The following ZKSCAN1 variants were observed in gnomAD, a reference collection of about 807,000 sequenced individuals.
The protein encoded by ZKSCAN1 is zinc finger with KRAB and SCAN domains 1.
In ZKSCAN1, 14 loss-of-function variants were observed where a neutral mutation model predicts 51.6. The ratio of observed to expected loss-of-function variants is 0.27; its 90% CI spans 0.18 to 0.42. ZKSCAN1 has a LOEUF of 0.42. Among genes scored for constraint, ZKSCAN1 ranks in the 10% least tolerant of loss-of-function variants. The pLI is 1.00. For synonymous variants in ZKSCAN1, 263 were observed against 261.5 expected, an observed-to-expected ratio of 1.01 and a Z score of -0.06; for missense variants, 531 against 710.0, an observed-to-expected ratio of 0.75 and a Z score of 2.86.
rs1790329196 is a variant in ZKSCAN1 at position 100,015,716 on chromosome 7, C to T, written c.-99C>T. Reference sequence around the variant, plus strand: ...TCGCCCAGCGCCCCCAGGCCGCTCCCGGGGCTCACGGTGAGACTTGGGGCC... The same window carrying T: ...TCGCCCAGCGCCCCCAGGCCGCTCCTGGGGCTCACGGTGAGACTTGGGGCC... On this transcript the variant is annotated 5_prime_UTR_variant, in exon 1 of 6. Transcript: ENST00000324306. The T allele has an allele frequency of 7.0e-6, 1 of 143,756 alleles. No individual in the cohort carries two copies. The highest frequency in any genetic ancestry group is 1.5e-5 in the Non-Finnish European group (1 of 65,294). The allele number at this position is 143,756 out of a possible 1,614,324, so 8.9% of individuals were successfully genotyped here.
chr7:100,044,225 C>A (rs535252505), downstream of ZKSCAN1, among the ~76,000 whole-genome samples: 6 of 152,202 alleles, frequency 3.9e-5, no homozygotes, highest in Non-Finnish European at 7.3e-5. Context: ...CACTGACCCC[C>A]ATCCTGCTCC....
chr7:100,029,620 T>C (rs1791013328), intron 3 of ZKSCAN1, among the ~76,000 whole-genome samples: 1 of 152,176 alleles, frequency 6.6e-6, no homozygotes, highest in Non-Finnish European at 1.5e-5. Flanking sequence ...TTTCCCCTTC[T>C]TTAAAATAAA....
rs1410395256 is a variant in ZKSCAN1 at position 100,037,406 on chromosome 7, A to C, written c.*3209A>C. On this transcript the variant is annotated 3_prime_UTR_variant, in exon 6 of 6. Transcript: ENST00000324306. ...GATTATCGATCTATGAGACATCTTG[A>C]TATGTAAAGCACTTAATATTAAAGG... The C allele has an allele frequency of 8.1e-6, 8 of 985,336 alleles. No individual in the cohort carries two copies. The highest frequency in any genetic ancestry group is 9.6e-6 in the Non-Finnish European group (8 of 829,940). The allele number at this position is 985,336 out of a possible 1,614,324, so 61.0% of individuals were successfully genotyped here.
At chr7:100,043,025 C>T (rs915361786), downstream of ZKSCAN1, among the ~76,000 whole-genome samples, 2 of 152,190 alleles carry the variant, frequency 1.3e-5, no homozygotes, top group South Asian at 2.1e-4. Flanking sequence ...TGGTCTCGAT[C>T]TCCTGACCTC....
chr7:100,040,669 G>A lies in ZKSCAN1; in HGVS notation c.*6472G>A, dbSNP rs1392998003. The A allele has an allele frequency of 2.0e-6, 2 of 985,364 alleles. No homozygotes were observed. The highest frequency in any genetic ancestry group is 6.1e-5 in the Admixed American group (1 of 16,266). 61.0% of individuals were successfully genotyped at this position (985,364 alleles called of 1,614,324 possible). On this transcript the variant is annotated 3_prime_UTR_variant, in exon 6 of 6. Transcript: ENST00000324306. ...TGGAAGGAGAAGGGGGAAGAGGACG[G>A]TAACGGCCCCACACTCCAGGCTGAG...
rs1204337232 is a variant in ZKSCAN1, at chr7:100,039,406, G to A, written c.*5209G>A. 11 of 985,258 alleles carry A rather than the reference G, an allele frequency of 1.1e-5. No individual in the cohort carries two copies. The highest frequency in any genetic ancestry group is 5.2e-4 in the Middle Eastern group (1 of 1,938). The allele number at this position is 985,258 out of a possible 1,614,324, so 61.0% of individuals were successfully genotyped here. On this transcript the variant is annotated 3_prime_UTR_variant, in exon 6 of 6. Coordinates refer to ENST00000324306, the MANE Select transcript of ZKSCAN1 (RefSeq NM_003439.4). ...GAATTGTGTGCAGATGCATCCAGTC[G>A]TGGCATTGCAAGAAGTCTGTCTGAT...
chr7:100,029,907 C>G lies in ZKSCAN1; in HGVS notation c.627C>G (p.Pro209=), dbSNP rs1324474104. The G allele has an allele frequency of 6.2e-7, 1 of 1,614,054 alleles. No homozygotes were observed. Among genetic ancestry groups the G allele is most frequent in the Non-Finnish European group, 8.5e-7 (1 of 1,180,036 alleles). The change falls in exon 4 of 6, where the codon CCC becomes CCG. Residue 209 remains proline (P), a synonymous_variant. Coordinates refer to ENST00000324306, the MANE Select transcript of ZKSCAN1 (RefSeq NM_003439.4). ...HIPAPPHEGS[P]RDQAMASALF... ...CTGCACCCCCTCATGAGGGTAGTCC[C>G]AGAGACCAGGCGATGGCATCTGCAC...
At chr7:100,028,170 T>A (rs1790926055) in intron 3 of ZKSCAN1, among the ~76,000 whole-genome samples, 3 of 151,936 alleles carry the variant, frequency 2.0e-5, no homozygotes, top group African/African-American at 7.3e-5. Context: ...CTGGCCAACA[T>A]GGTGAAACCC....
chr7:100,031,837 G>C (rs1791119603), intron 5 of ZKSCAN1, among the ~76,000 whole-genome samples: 1 of 152,222 alleles, frequency 6.6e-6, no homozygotes, highest in African/African-American at 2.4e-5. Flanking sequence ...AACACTCGAG[G>C]AGGCTGTGGC....
At chr7:100,025,626 G>C (rs1790798240) in intron 3 of ZKSCAN1, among the ~76,000 whole-genome samples, 1 of 152,176 alleles carries the variant, frequency 6.6e-6, no homozygotes, top group South Asian at 2.1e-4. Flanking sequence ...TGATTTTGTT[G>C]TGCGAACATC....
intron 1 of ZKSCAN1, among the ~76,000 whole-genome samples, chr7:100,021,650 A>G (rs1790591753): frequency 6.6e-6 from 1 of 151,846 alleles, no homozygotes; most frequent in Non-Finnish European, 1.5e-5. Flanking sequence ...CTTACTCTAG[A>G]TAGAAGCTTC....
intron 1 of ZKSCAN1, among the ~76,000 whole-genome samples, chr7:100,018,439 C>G (rs981517586): frequency 2.7e-5 from 4 of 150,886 alleles, no homozygotes; most frequent in African/African-American, 9.8e-5. Context: ...GAGTCTCGCT[C>G]TGTCACCCAG....
At chr7:100,029,271 T>C (rs1221026289) in intron 3 of ZKSCAN1, among the ~76,000 whole-genome samples, 1 of 152,104 alleles carries the variant, frequency 6.6e-6, no homozygotes, top group Non-Finnish European at 1.5e-5. Context: ...TTGTTGTTTT[T>C]CTGGATTTCA....
At chr7:100,032,247 G>A (rs1791138357) in intron 5 of ZKSCAN1, among the ~76,000 whole-genome samples, 1 of 152,104 alleles carries the variant, frequency 6.6e-6, no homozygotes, top group Non-Finnish European at 1.5e-5. Flanking sequence ...GTTAGAAATG[G>A]AACATGATGT....
chr7:100,038,333 G>A lies in ZKSCAN1; in HGVS notation c.*4136G>A. The stretch of plus-strand genomic sequence containing the variant: ...CAGTGAAGAAATCAGTGTGATTGTA[G>A]ACAAAAAGTCGGTTCACAGAACGGA... On this transcript the variant is annotated 3_prime_UTR_variant, in exon 6 of 6. Coordinates refer to ENST00000324306, the MANE Select transcript of ZKSCAN1 (RefSeq NM_003439.4). The A allele has an allele frequency of 2.0e-6, 2 of 985,464 alleles. No individual in the cohort carries two copies. The allele number at this position is 985,464 out of a possible 1,614,324, so 61.0% of individuals were successfully genotyped here. A position where few individuals can be genotyped will look rare whatever the true frequency, so the allele number is the denominator to read the frequency against.
intron 1 of ZKSCAN1, among the ~76,000 whole-genome samples, chr7:100,018,633 C>T (rs1790474383): frequency 1.3e-5 from 2 of 152,090 alleles, no homozygotes; most frequent in South Asian, 4.1e-4. Context: ...GTGATCCGCC[C>T]ACCTCAGCCT....
At position 100,040,176 on chromosome 7, in the gene ZKSCAN1, C is replaced by T. The variant is rs1791533287; in HGVS notation, c.*5979C>T. 1 of 985,240 alleles carries T rather than the reference C, an allele frequency of 1.0e-6. No individual in the cohort carries two copies. Among genetic ancestry groups the T allele is most frequent in the South Asian group, 4.7e-5 (1 of 21,288 alleles). 61.0% of individuals were successfully genotyped at this position (985,240 alleles called of 1,614,324 possible). Reference sequence around the variant, plus strand: ...AAGTTTGGGAAATACTTTTGACATCCCACAATACAGAATGTCTTAACATGA... The same window carrying T: ...AAGTTTGGGAAATACTTTTGACATCTCACAATACAGAATGTCTTAACATGA... On this transcript the variant is annotated 3_prime_UTR_variant, in exon 6 of 6. Transcript: ENST00000324306.
chr7:100,027,985 CAT>C lies in ZKSCAN1; in HGVS notation c.581-1875_581-1874del, dbSNP rs1192712552. ...TAAATAGTTCTTAAATAAATTGAGA[CAT>C]GTACATTTATTCTCAATTTCCTCTT... On this transcript the variant is annotated intron_variant, in intron 3 of 5. Coordinates refer to ENST00000324306, the MANE Select transcript of ZKSCAN1 (RefSeq NM_003439.4). 3.3e-5 allele frequency among the ~76,000 whole-genome samples: 5 copies of C among 152,140 alleles called. No homozygotes were observed. In the East Asian group the frequency reaches 7.7e-4, roughly 24 times the overall value.
In ZKSCAN1 at chr7:100,033,215, G is replaced by A. The variant is rs1005406371; in HGVS notation, c.800-90G>A. 58 of 1,471,906 alleles carry A rather than the reference G, an allele frequency of 3.9e-5. 1 individual carries two copies. The highest frequency in any genetic ancestry group is 4.1e-4 in the Middle Eastern group (2 of 4,914). 91.2% of individuals were successfully genotyped at this position (1,471,906 alleles called of 1,614,324 possible). Reference sequence around the variant, plus strand: ...AATATTGCAAAGTCATTTTGCAGCCGTGTAGAAGCTTCTCGGGAAACTGTC... The same window carrying A: ...AATATTGCAAAGTCATTTTGCAGCCATGTAGAAGCTTCTCGGGAAACTGTC... On this transcript the variant is annotated intron_variant, in intron 5 of 5. Transcript: ENST00000324306. The surrounding 1 kb of genome is among the most constrained non-coding windows in gnomAD (Gnocchi z 4.1).
Sources: allele counts gnomAD v4.1 joint callset (sites outside exome capture counted in the v4.1 genomes callset), GRCh38; gene constraint gnomAD v4.1.1; non-coding constraint Gnocchi (gnomAD v3.1); transcripts MANE v1.5; gene names NCBI Gene and HGNC (gene_info 2026-07-23, HGNC 2026-07-21).